Variants in ADGRD1 observed in about 807,000 individuals in gnomAD.
ADGRD1 encodes the protein adhesion G protein-coupled receptor D1, also known as G-protein coupled receptor 133.
In ADGRD1, 77 loss-of-function variants were observed where a neutral mutation model predicts 113.4. The ratio of observed to expected loss-of-function variants is 0.68; its 90% CI spans 0.57 to 0.82. The LOEUF (loss-of-function observed/expected upper bound fraction) is 0.82. Among genes scored for constraint, ADGRD1 ranks in the 40% least tolerant of loss-of-function variants. The pLI, the probability that ADGRD1 is intolerant of heterozygous loss-of-function variation, is 0.00. For missense variants in ADGRD1, 1,036 were observed against 1,139.1 expected, an observed-to-expected ratio of 0.91 and a Z score of 1.30; for synonymous variants, 474 against 475.0, an observed-to-expected ratio of 1.00 and a Z score of 0.03.
intron 18 of ADGRD1, among the ~76,000 whole-genome samples, chr12:131,112,177 A>G (rs577065241): frequency 1.3e-5 from 2 of 152,264 alleles, no homozygotes; most frequent in East Asian, 3.9e-4. Context: ...TTCCTCTGAC[A>G]TCACTCCCCA....
Position 131,016,482 on chromosome 12 carries a change from T to A in ADGRD1, c.1473+2142T>A, listed in dbSNP as rs189029721. ...CCCTCTGCCGTGATGTCAGTGAGGGTGCACTCCACAGGCTCAGCCTATGTT... is the reference window on the plus strand; with the variant it reads ...CCCTCTGCCGTGATGTCAGTGAGGGAGCACTCCACAGGCTCAGCCTATGTT... On this transcript the variant is annotated intron_variant, in intron 13 of 24. Transcript: ENST00000261654. 6.0e-4 allele frequency among the ~76,000 whole-genome samples: 91 copies of A among 152,328 alleles called. No homozygotes were observed. In the East Asian group the frequency reaches 0.015, roughly 25 times the overall value.
At chr12:131,135,969 G>A (rs1242529487) in intron 21 of ADGRD1, 68 bp from the exon 22 acceptor site, 23 of 1,575,834 alleles carry the variant, frequency 1.5e-5, no homozygotes, top group Non-Finnish European at 1.3e-5. Context: ...CTGGCGTCTC[G>A]AGGGCAGTCC....
intron 21 of ADGRD1, among the ~76,000 whole-genome samples, chr12:131,133,289 C>T (rs1252805167): frequency 1.3e-5 from 2 of 152,158 alleles, no homozygotes; most frequent in Admixed American, 6.5e-5. Context: ...GCCACTACTT[C>T]CACTGTCACC....
intron 8 of ADGRD1, chr12:130,994,144 G>A (rs1874852119): frequency 2.6e-5 from 9 of 350,612 alleles, no homozygotes; most frequent in South Asian, 1.9e-4. Flanking sequence ...GAGCGCTTCC[G>A]GGCTCCGAAG....
intron 12 of ADGRD1, among the ~76,000 whole-genome samples, chr12:131,007,541 T>C: frequency 6.6e-6 from 1 of 152,210 alleles, no homozygotes; most frequent in Admixed American, 6.5e-5. Context: ...GCCTCAGCCT[T>C]CACTCTCCCT....
chr12:131,004,523 C>T (rs113214772), intron 11 of ADGRD1, among the ~76,000 whole-genome samples: 1 of 151,862 alleles, frequency 6.6e-6, no homozygotes, highest in Admixed American at 6.6e-5. Context: ...TTGAGAGGTT[C>T]CTTAGTGATG....
chr12:131,031,447 T>G (rs1363961183), intron 13 of ADGRD1, among the ~76,000 whole-genome samples: 3 of 152,114 alleles, frequency 2.0e-5, no homozygotes, highest in Admixed American at 6.5e-5. Flanking sequence ...TTTACACAGC[T>G]TGAGACATAA....
chr12:131,101,372 TCTTTC>T (rs1372742797), intron 15 of ADGRD1, among the ~76,000 whole-genome samples: 23 of 77,508 alleles, frequency 3.0e-4, no homozygotes, highest in South Asian at 1.0e-3. Flanking sequence ...TCTTTTTCTT[TCTTTC>T]TTTTTTTTTT....
rs908818515 is a variant in ADGRD1, at chr12:131,057,565, G to A, written c.1474-19236G>A. Reference sequence around the variant, plus strand: ...CTGTCTCCTAGTAGTCCTGGCCTGCGGCAGCCAACTCCAGTCTCTGCCCCG... The same window carrying A: ...CTGTCTCCTAGTAGTCCTGGCCTGCAGCAGCCAACTCCAGTCTCTGCCCCG... On this transcript the variant is annotated intron_variant, in intron 13 of 24. Coordinates refer to ENST00000261654, the MANE Select transcript of ADGRD1 (RefSeq NM_198827.5). This position sits in a 1 kb window ranked among gnomAD's most constrained non-coding sequence, Gnocchi z 4.2. Among the ~76,000 whole-genome samples the A allele has an allele frequency of 3.3e-5, 5 of 152,110 alleles. No homozygotes were observed. The highest frequency in any genetic ancestry group is 5.9e-5 in the Non-Finnish European group (4 of 68,018).
intron 15 of ADGRD1, among the ~76,000 whole-genome samples, chr12:131,092,377 G>A (rs766671550): frequency 1.3e-5 from 2 of 152,184 alleles, no homozygotes; most frequent in Non-Finnish European, 2.9e-5. Flanking sequence ...TGTGTTCCCC[G>A]CTCAGGGTGT....
intron 8 of ADGRD1, among the ~76,000 whole-genome samples, chr12:130,997,193 C>CA (rs1555241594): frequency 7.1e-6 from 1 of 141,288 alleles, no homozygotes; most frequent in Non-Finnish European, 1.6e-5. Flanking sequence ...GGCTGACCCC[C>CA]CCCCCCGGAC....
intron 20 of ADGRD1, among the ~76,000 whole-genome samples, chr12:131,129,592 G>T (rs1192143455): frequency 6.6e-6 from 1 of 152,200 alleles, no homozygotes. Context: ...GTGTCAGTGG[G>T]TGAGGTACCC....
intron 20 of ADGRD1, among the ~76,000 whole-genome samples, chr12:131,131,413 C>T (rs144083075): frequency 7.5e-4 from 115 of 152,334 alleles, no homozygotes; most frequent in African/African-American, 2.6e-3. Flanking sequence ...TGCCCAGGGT[C>T]ACACTAACGA....
At chr12:131,070,865 C>T (rs1885104928) in intron 13 of ADGRD1, 1 of 518,940 alleles carries the variant, frequency 1.9e-6, no homozygotes, top group Non-Finnish European at 3.8e-6. Context: ...CATGGAGTGT[C>T]TGCACGGGAC....
chr12:131,113,560 G>A lies in ADGRD1; in HGVS notation c.2041+4683G>A, dbSNP rs1179116167. On this transcript the variant is annotated intron_variant, in intron 18 of 24. Coordinates refer to ENST00000261654, the MANE Select transcript of ADGRD1 (RefSeq NM_198827.5). The surrounding 1 kb of genome is among the most constrained non-coding windows in gnomAD (Gnocchi z 4.9). ...AGTAGCAGGTAAACAGGCTTACTTT[G>A]TGCTTTGAGTTGGCAAATGTAATTT... Among the ~76,000 whole-genome samples, 4 of 152,224 alleles carry A rather than the reference G, an allele frequency of 2.6e-5. No homozygotes were observed. Among genetic ancestry groups the A allele is most frequent in the Non-Finnish European group, 1.5e-5 (1 of 68,042 alleles).
At chr12:131,100,269 G>A (rs929739624) in intron 15 of ADGRD1, among the ~76,000 whole-genome samples, 3 of 152,030 alleles carry the variant, frequency 2.0e-5, no homozygotes, top group African/African-American at 7.3e-5. Flanking sequence ...AAGGTTGGTT[G>A]ATGGTGGGTT....
intron 15 of ADGRD1, among the ~76,000 whole-genome samples, chr12:131,101,639 C>T (rs1021895499): frequency 6.6e-6 from 1 of 151,992 alleles, no homozygotes; most frequent in Admixed American, 6.6e-5. Flanking sequence ...CTGCCCGCCT[C>T]GGCCTCCCAG....
intron 13 of ADGRD1, among the ~76,000 whole-genome samples, chr12:131,076,595 G>A (rs544101823): frequency 1.3e-5 from 2 of 152,170 alleles, no homozygotes; most frequent in African/African-American, 4.8e-5. Flanking sequence ...CCCTTGGGTG[G>A]GTTGGGGAGG....
intron 13 of ADGRD1, among the ~76,000 whole-genome samples, chr12:131,052,826 C>T (rs1391142672): frequency 6.6e-6 from 1 of 152,184 alleles, no homozygotes; most frequent in East Asian, 1.9e-4. Flanking sequence ...CCGTAGGTAG[C>T]TCTGGAGGGG....
Sources: allele counts gnomAD v4.1 joint callset (sites outside exome capture counted in the v4.1 genomes callset), GRCh38; gene constraint gnomAD v4.1.1; non-coding constraint Gnocchi (gnomAD v3.1); transcripts MANE v1.5; gene names NCBI Gene and HGNC (gene_info 2026-07-23, HGNC 2026-07-21).